XXYLT1: variants seen among roughly 807,000 people sequenced by gnomAD.
The protein encoded by XXYLT1 is xyloside xylosyltransferase 1, also known as UDP-xylose:alpha-xyloside alpha-1,3-xylosyltransferase.
Under a neutral mutation model 28.9 loss-of-function variants are expected in XXYLT1, and 20 were observed. The observed-to-expected ratio is 0.69, with a 90% confidence interval of 0.49 to 1.00. The LOEUF is 1.00. Ranked by LOEUF, XXYLT1 falls within the 50% of genes least tolerant of loss-of-function variation. XXYLT1 has a pLI of 0.00. For synonymous variants in XXYLT1, 257 were observed against 253.8 expected (o/e 1.01, Z -0.12); for missense variants, 542 against 560.1 (o/e 0.97, Z 0.33).
intron 3 of XXYLT1, among the ~76,000 whole-genome samples, chr3:195,149,339 G>T (rs182116087): frequency 2.6e-5 from 4 of 152,206 alleles, no homozygotes; most frequent in East Asian, 1.9e-4. Context: ...TTCATCCGAT[G>T]GGGGGGCAAC....
intron 1 of XXYLT1, among the ~76,000 whole-genome samples, chr3:195,237,516 A>G (rs371786689): frequency 6.6e-6 from 1 of 151,910 alleles, no homozygotes; most frequent in Admixed American, 6.6e-5. Flanking sequence ...AGGTACTGTG[A>G]TCGCTCACCT....
intron 3 of XXYLT1, chr3:195,134,387 T>C (rs2108634832): frequency 6.6e-6 from 1 of 152,424 alleles, no homozygotes; most frequent in African/African-American, 2.4e-5. Context: ...AGAGGCACCA[T>C]TTTTCATGTT....
At chr3:195,206,981 T>C (rs1294363153) in intron 2 of XXYLT1, among the ~76,000 whole-genome samples, 1 of 150,752 alleles carries the variant, frequency 6.6e-6, no homozygotes, top group African/African-American at 2.5e-5. Flanking sequence ...TTTTCCATAA[T>C]AAAAGGTGGA....
chr3:195,182,433 T>C, intron 2 of XXYLT1, among the ~76,000 whole-genome samples: 1 of 152,190 alleles, frequency 6.6e-6, no homozygotes. Context: ...AGGTAACATC[T>C]CCATCCTAAA....
intron 1 of XXYLT1, among the ~76,000 whole-genome samples, chr3:195,233,246 G>T (rs1724376480): frequency 6.6e-6 from 1 of 151,508 alleles, no homozygotes; most frequent in African/African-American, 2.4e-5. Context: ...TTTATTTTCA[G>T]TCTATGTGTG....
intron 3 of XXYLT1, among the ~76,000 whole-genome samples, chr3:195,122,565 G>A (rs1181937026): frequency 6.6e-6 from 1 of 152,140 alleles, no homozygotes; most frequent in East Asian, 1.9e-4. Context: ...CCCCAGAGCT[G>A]GGTCCTAGGA....
chr3:195,090,668 A>G (rs1321164638), intron 3 of XXYLT1, among the ~76,000 whole-genome samples: 1 of 148,612 alleles, frequency 6.7e-6, no homozygotes, highest in Non-Finnish European at 1.5e-5. Context: ...GCAAGAAATA[A>G]CTAAAATCAG....
Position 195,129,156 on chromosome 3 carries a change from A to G in XXYLT1, c.785+27293T>C, listed in dbSNP as rs1423248048. On this transcript the variant is annotated intron_variant, in intron 3 of 3. Transcript: ENST00000310380. The surrounding 1 kb of genome is among the most constrained non-coding windows in gnomAD (Gnocchi z 4.4). ...CGCGGCTAACATAGAGAGGGACAGC[A>G]GAGTTTAGCGTGAACACTGAAGTCT... Among the ~76,000 whole-genome samples the G allele has an allele frequency of 6.6e-6, 1 of 152,208 alleles. No homozygotes were observed. The highest frequency in any genetic ancestry group is 1.5e-5 in the Non-Finnish European group (1 of 68,030).
At chr3:195,158,194 C>A in intron 2 of XXYLT1, among the ~76,000 whole-genome samples, 1 of 152,206 alleles carries the variant, frequency 6.6e-6, no homozygotes. Context: ...CTAAACTCTA[C>A]TTATTCTGCA....
intron 3 of XXYLT1, chr3:195,095,250 A>G (rs1269375095): frequency 6.5e-6 from 1 of 153,268 alleles, no homozygotes; most frequent in African/African-American, 2.4e-5. Context: ...CGCAGCGTGC[A>G]CTCGCAAATG....
At chr3:195,106,157 G>GA (rs1304977290) in intron 3 of XXYLT1, among the ~76,000 whole-genome samples, 1 of 152,076 alleles carries the variant, frequency 6.6e-6, no homozygotes, top group Non-Finnish European at 1.5e-5. Flanking sequence ...TGATCACTCT[G>GA]AAAAAAACAA....
chr3:195,221,615 C>T (rs1269895358), intron 2 of XXYLT1, among the ~76,000 whole-genome samples: 10 of 152,214 alleles, frequency 6.6e-5, no homozygotes, highest in South Asian at 4.1e-4. Flanking sequence ...ACAGAGCATG[C>T]GCCCTAGCAC....
chr3:195,069,676 C>G lies in XXYLT1; in HGVS notation c.*39G>C, dbSNP rs1576989498. The stretch of plus-strand genomic sequence containing the variant: ...TGTCCCAAGGAACCCTGTCCTTCCC[C>G]CAGATCTGGAGGCCCCGGGGGCAAG... On this transcript the variant is annotated 3_prime_UTR_variant, in exon 4 of 4. Coordinates refer to ENST00000310380, the MANE Select transcript of XXYLT1 (RefSeq NM_152531.5). 1 of 1,576,010 alleles carries G rather than the reference C, an allele frequency of 6.3e-7. No homozygotes were observed. Among genetic ancestry groups the G allele is most frequent in the Non-Finnish European group, 8.6e-7 (1 of 1,164,434 alleles).
chr3:195,226,644 G>A, intron 2 of XXYLT1, 65 bp downstream of exon 2: 2 of 1,573,344 alleles, frequency 1.3e-6, no homozygotes, highest in Non-Finnish European at 1.7e-6. Context: ...GGCAGTGTTG[G>A]AACCAGGGAA....
chr3:195,143,818 A>ATTTTTTTTTTT (rs1577073279), intron 3 of XXYLT1, among the ~76,000 whole-genome samples: 1 of 96,312 alleles, frequency 1.0e-5, no homozygotes, highest in South Asian at 3.9e-4. Context: ...ATATATAGAT[A>ATTTTTTTTTTT]TAGATATATA....
chr3:195,146,362 T>C (rs923974848), intron 3 of XXYLT1, among the ~76,000 whole-genome samples: 11 of 152,366 alleles, frequency 7.2e-5, no homozygotes, highest in African/African-American at 2.6e-4. Context: ...AATGCGATGA[T>C]GTTTATTTGG....
chr3:195,088,581 CAG>C (rs1715940824), intron 3 of XXYLT1, among the ~76,000 whole-genome samples: 1 of 117,842 alleles, frequency 8.5e-6, no homozygotes, highest in Non-Finnish European at 1.8e-5. Flanking sequence ...GGGGAAAAAA[CAG>C]AACAGAAAAA....
chr3:195,143,905 A>T (rs13100241), intron 3 of XXYLT1, among the ~76,000 whole-genome samples: 1,883 of 107,304 alleles, frequency 0.018, 88 homozygotes, highest in East Asian at 0.058. Context: ...TTTTATTTTT[A>T]TTTTTTTTTT....
At chr3:195,179,790 G>A (rs7641965) in intron 2 of XXYLT1, among the ~76,000 whole-genome samples, 4,287 of 152,140 alleles carry the variant, frequency 0.028, 188 homozygotes, top group African/African-American at 0.099. Context: ...GATTCCACTT[G>A]CAGCCGTAGA....
Sources: allele counts gnomAD v4.1 joint callset (sites outside exome capture counted in the v4.1 genomes callset), GRCh38; gene constraint gnomAD v4.1.1; non-coding constraint Gnocchi (gnomAD v3.1); transcripts MANE v1.5; gene names NCBI Gene and HGNC (gene_info 2026-07-23, HGNC 2026-07-21).